The following FAM111A variants were observed in gnomAD, a reference collection of about 807,000 sequenced individuals.
The protein encoded by FAM111A is serine protease FAM111A.
A neutral mutation model predicts 3.3 loss-of-function variants in FAM111A; 8 were observed. The observed-to-expected ratio is 2.39, with a 90% CI of 1.40 to 4.32. The LOEUF is 4.32. Ranked by LOEUF, FAM111A falls within the 30% of genes most tolerant of loss-of-function variation. The probability of loss-of-function intolerance (pLI) is 0.00; values close to 1 mark genes in which losing one functional copy is unlikely to be tolerated. For missense variants in FAM111A, 683 were observed against 727.6 expected, an observed-to-expected ratio of 0.94 and a Z score of 0.71; for synonymous variants, 227 against 243.1, an observed-to-expected ratio of 0.93 and a Z score of 0.62.
Position 59,154,587 on chromosome 11 carries a change from A to G in FAM111A, c.*1083A>G, listed in dbSNP as rs1862096689. The G allele has an allele frequency of 6.6e-6, 1 of 152,158 alleles. No homozygotes were observed. The highest frequency in any genetic ancestry group is 1.5e-5 in the Non-Finnish European group (1 of 68,022). The allele number at this position is 152,158 out of a possible 1,614,324, so 9.4% of individuals were successfully genotyped here. ...TTCCACTGGACCCAATCTGTTTTCC[A>G]TTTCCATTGCAATACTACTAAAGCC... On this transcript the variant is annotated 3_prime_UTR_variant, in exon 6 of 6. Transcript: ENST00000675163.
intron 4 of FAM111A, among the ~76,000 whole-genome samples, chr11:59,147,286 T>A (rs374873027): frequency 3.3e-5 from 5 of 152,304 alleles, no homozygotes; most frequent in African/African-American, 1.2e-4. Context: ...CCATCAAGGA[T>A]CCAAGAAGGT....
rs1861800677 is a variant in FAM111A, at chr11:59,152,398, G to GA, written c.734dup (p.Asn245LysfsTer3). On this transcript the variant is annotated frameshift_variant, in exon 6 of 6. Coordinates refer to ENST00000675163, the MANE Select transcript of FAM111A (RefSeq NM_001312909.2). LOFTEE classifies it low-confidence loss of function (END_TRUNC). ...GGAGAATGATGATTGGAAACTCATT[G>GA]AAAACAATGACACCATTTTAGAAAG... is the stretch of plus-strand genomic sequence containing the variant. 6.2e-7 allele frequency: 1 copy of GA among 1,613,994 alleles called. No individual in the cohort carries two copies.
intron 5 of FAM111A, among the ~76,000 whole-genome samples, chr11:59,151,051 A>AG (rs1555018277): frequency 2.0e-5 from 3 of 151,536 alleles, no homozygotes; most frequent in East Asian, 3.9e-4. Flanking sequence ...TTCAAGAACA[A>AG]TTTTTTTTTG....
rs1335724786 is a variant in FAM111A at position 59,153,141 on chromosome 11, T to G, written c.1473T>G (p.Gly491=). The G allele has an allele frequency of 1.2e-6, 2 of 1,614,004 alleles. No individual in the cohort carries two copies. The highest frequency in any genetic ancestry group is 1.7e-6 in the Non-Finnish European group (2 of 1,180,034). ...QIDACAVIPQ[G]QRAKKCQERV... Reference sequence around the variant, plus strand: ...ATGCTTGTGCTGTGATCCCTCAGGGTCAGCGAGCAAAGAAATGTCAGGAAC... The same window carrying G: ...ATGCTTGTGCTGTGATCCCTCAGGGGCAGCGAGCAAAGAAATGTCAGGAAC... The change falls in exon 6 of 6, where the codon GGT becomes GGG. Residue 491 remains glycine, a synonymous_variant. Transcript: ENST00000675163.
In FAM111A at chr11:59,153,301, G is replaced by A. The variant is rs754991383; in HGVS notation, c.1633G>A (p.Val545Met). The A allele has an allele frequency of 1.9e-6, 3 of 1,614,164 alleles. No homozygotes were observed. Among genetic ancestry groups the A allele is most frequent in the Non-Finnish European group, 2.5e-6 (3 of 1,180,026 alleles). Residue 545 changes from valine to methionine, a missense_variant, in exon 6 of 6, where the codon GTG (valine) becomes ATG (methionine). Physicochemically the swap from Val to Met is conservative, Grantham distance 21 (BLOSUM62 1). This residue lies in a region of FAM111A where 122 missense variants were observed against 110.9 expected (regional missense o/e 1.10). Coordinates refer to ENST00000675163, the MANE Select transcript of FAM111A (RefSeq NM_001312909.2). ...TTTCTTTGGGGCTTCCGGCTCCCCT[G>A]TGTTTGATTCAAAAGGTTCATTGGT... ...EFFFGASGSP[V>M]FDSKGSLVAM... is the part of the protein sequence containing the mutation.
chr11:59,154,353 T>C lies in FAM111A; in HGVS notation c.*849T>C, dbSNP rs1862076623. On this transcript the variant is annotated 3_prime_UTR_variant, in exon 6 of 6. Transcript: ENST00000675163. ...ATATTACTGAAACTGTCGGAATATATGGGTCTTGAAATTCAGAAGATGATA... is the reference window on the plus strand; with the variant it reads ...ATATTACTGAAACTGTCGGAATATACGGGTCTTGAAATTCAGAAGATGATA... 2 of 152,222 alleles carry C rather than the reference T, an allele frequency of 1.3e-5. No homozygotes were observed. 9.4% of individuals were successfully genotyped at this position (152,222 alleles called of 1,614,324 possible).
In FAM111A at chr11:59,146,248, C is replaced by G. The variant is rs116675937; in HGVS notation, c.-77+392C>G. ...TACAGGCACCCACCACCATGCCCAGCTAATTTTTAATTCTTAGTAGAGACA... is the reference window on the plus strand; with the variant it reads ...TACAGGCACCCACCACCATGCCCAGGTAATTTTTAATTCTTAGTAGAGACA... On this transcript the variant is annotated intron_variant, in intron 4 of 5. Transcript: ENST00000675163. 9.3e-3 allele frequency among the ~76,000 whole-genome samples: 1,418 copies of G among 152,140 alleles called. 24 individuals carry two copies. The highest frequency in any genetic ancestry group is 0.033 in the African/African-American group (1,350 of 41,484).
At position 59,152,736 on chromosome 11, in the gene FAM111A, A is replaced by G; in HGVS notation, c.1068A>G (p.Ser356=). The change falls in exon 6 of 6, where the codon TCA becomes TCG. Residue 356 remains serine (S), a synonymous_variant. Coordinates refer to ENST00000675163, the MANE Select transcript of FAM111A (RefSeq NM_001312909.2). ...AACTTCTTGTACGTCTCAGTGACTC[A>G]GTTGGGTACTTATTCTGGGACAGTG... The part of the protein sequence containing the change: ...VVKLLVRLSD[S]VGYLFWDSAT... The G allele has an allele frequency of 6.2e-7, 1 of 1,614,168 alleles. No homozygotes were observed. The highest frequency in any genetic ancestry group is 8.5e-7 in the Non-Finnish European group (1 of 1,179,972).
At chr11:59,145,784 T>C (rs1360625412) in intron 3 of FAM111A, 43 bp from the exon 4 acceptor site, 1 of 152,208 alleles carries the variant, frequency 6.6e-6, no homozygotes, top group East Asian at 1.9e-4. Context: ...TGTTGCAACA[T>C]AGCCCAGTTC....
At chr11:59,142,983 G>C (rs1247837077) in intron 1 of FAM111A, 37 bp downstream of exon 1, 1 of 152,128 alleles carries the variant, frequency 6.6e-6, no homozygotes, top group Non-Finnish European at 1.5e-5. Context: ...AGTGAGACAG[G>C]GTCCTGCTCG....
intron 3 of FAM111A, chr11:59,145,322 A>C (rs1860714923): frequency 6.6e-6 from 1 of 152,552 alleles, no homozygotes; most frequent in South Asian, 2.1e-4. Context: ...ATTGAGAGAC[A>C]GAGAAATTCC....
rs779707501 is a variant in FAM111A at position 59,152,532 on chromosome 11, C to A, written c.864C>A (p.Asn288Lys). The change falls in exon 6 of 6, where the codon AAC becomes AAA. Residue 288 changes from asparagine to lysine, a missense_variant. Asn to Lys is a moderately conservative substitution (Grantham distance 94). Coordinates refer to ENST00000675163, the MANE Select transcript of FAM111A (RefSeq NM_001312909.2). Reference sequence around the variant, plus strand: ...AGAATCCTGAGTCAGAGAAAAGAAACACCTGTGTGTTGAGAGAACAAATCG... The same window carrying A: ...AGAATCCTGAGTCAGAGAAAAGAAAAACCTGTGTGTTGAGAGAACAAATCG... ...ASQNPESEKR[N>K]TCVLREQIVA... 3 of 1,613,944 alleles carry A rather than the reference C, an allele frequency of 1.9e-6. No homozygotes were observed. The highest frequency in any genetic ancestry group is 1.3e-5 in the African/African-American group (1 of 74,902).
chr11:59,150,937 G>A (rs1374406570), intron 5 of FAM111A, among the ~76,000 whole-genome samples: 1 of 152,202 alleles, frequency 6.6e-6, no homozygotes, highest in East Asian at 1.9e-4. Context: ...AGTATTTATT[G>A]TTACAAATAA....
rs117988338 is a variant in FAM111A, at chr11:59,153,256, A to G, written c.1588A>G (p.Ile530Val). The G allele has an allele frequency of 6.7e-4, 1,078 of 1,614,172 alleles. 1 individual carries two copies. Among genetic ancestry groups the G allele is most frequent in the Middle Eastern group, 2.0e-3 (12 of 6,062 alleles). Residue 530 changes from isoleucine (I) to valine (V), a missense_variant, in exon 6 of 6, where the codon ATT (isoleucine) becomes GTT (valine). By Grantham distance (29) the Ile-to-Val change is conservative. Transcript: ENST00000675163. ...FQKIVHNPDVITYDTEFFFGA... is the reference protein window; with the variant it reads ...FQKIVHNPDVVTYDTEFFFGA... ...GAAAATAGTTCACAACCCTGATGTG[A>G]TTACCTATGACACTGAATTTTTCTT...
At chr11:59,148,999 T>C in intron 5 of FAM111A, 46 bp downstream of exon 5, 1 of 1,409,256 alleles carries the variant, frequency 7.1e-7, no homozygotes. Flanking sequence ...TCCCTTGGTA[T>C]CCATGTGAGA....
Position 59,153,662 on chromosome 11 carries a change from T to A in FAM111A, c.*158T>A. 1.6e-6 allele frequency: 1 copy of A among 623,962 alleles called. No homozygotes were observed. The highest frequency in any genetic ancestry group is 2.2e-5 in the South Asian group (1 of 45,090). 38.7% of individuals were successfully genotyped at this position (623,962 alleles called of 1,614,324 possible). ...CATTTTTCTAAGCACATGAAGAAAT[T>A]AGTCCTAACAACACTATGAGATGGA... On this transcript the variant is annotated 3_prime_UTR_variant, in exon 6 of 6. Coordinates refer to ENST00000675163, the MANE Select transcript of FAM111A (RefSeq NM_001312909.2).
rs1004515895 is a variant in FAM111A, at chr11:59,142,923, G to C, written c.-551G>C. Reference sequence around the variant, plus strand: ...TCTCGCTTTCCAATACTCGGGACTGGGGAAACCGGGAGAATAGAAGCAGGC... The same window carrying C: ...TCTCGCTTTCCAATACTCGGGACTGCGGAAACCGGGAGAATAGAAGCAGGC... On this transcript the variant is annotated 5_prime_UTR_variant, in exon 1 of 6. Coordinates refer to ENST00000675163, the MANE Select transcript of FAM111A (RefSeq NM_001312909.2). The C allele has an allele frequency of 1.3e-5, 2 of 152,326 alleles. No individual in the cohort carries two copies. Among genetic ancestry groups the C allele is most frequent in the Non-Finnish European group, 2.9e-5 (2 of 68,122 alleles). 9.4% of individuals were successfully genotyped at this position (152,326 alleles called of 1,614,324 possible). A position where few individuals can be genotyped will look rare whatever the true frequency, so the allele number is the denominator to read the frequency against.
Position 59,153,042 on chromosome 11 carries a change from T to C in FAM111A, c.1374T>C (p.Asn458=). 1 of 1,614,132 alleles carries C rather than the reference T, an allele frequency of 6.2e-7. No individual in the cohort carries two copies. Among genetic ancestry groups the C allele is most frequent in the South Asian group, 1.1e-5 (1 of 91,080 alleles). Residue 458 remains asparagine (N), a synonymous_variant, in exon 6 of 6, where the codon AAT becomes AAC. Transcript: ENST00000675163. ...AACAAGTACCTATGGAACTATATAA[T>C]GGAATTACTCCTGTGCCACTTAGTG... is the stretch of plus-strand genomic sequence containing the variant. ...NGQQVPMELY[N]GITPVPLSGL...
In FAM111A at chr11:59,154,669, A is replaced by T. The variant is rs1024110048; in HGVS notation, c.*1165A>T. 6.6e-6 allele frequency: 1 copy of T among 152,266 alleles called. No homozygotes were observed. The highest frequency in any genetic ancestry group is 1.5e-5 in the Non-Finnish European group (1 of 68,044). The allele number at this position is 152,266 out of a possible 1,614,324, so 9.4% of individuals were successfully genotyped here. On this transcript the variant is annotated 3_prime_UTR_variant, in exon 6 of 6. Coordinates refer to ENST00000675163, the MANE Select transcript of FAM111A (RefSeq NM_001312909.2). ...AGGGACTATCACAGAAGAAGCAGGC[A>T]TGTAAGATTTTAAGGACTGGTTTCG...
Sources: allele counts gnomAD v4.1 joint callset (sites outside exome capture counted in the v4.1 genomes callset), GRCh38; gene constraint gnomAD v4.1.1; regional missense constraint gnomAD v4.1.1; transcripts MANE v1.5; gene names NCBI Gene and HGNC (gene_info 2026-07-23, HGNC 2026-07-21).